SLC5A10: variants seen among roughly 807,000 people sequenced by gnomAD.
SLC5A10 encodes solute carrier family 5 member 10, also known as sodium/mannose cotransporter SLC5A10.
A neutral mutation model predicts 68.9 loss-of-function variants in SLC5A10; 55 were observed. The ratio of observed to expected loss-of-function variants is 0.80; its 90% CI spans 0.64 to 1.00. SLC5A10 has a LOEUF of 1.00. Among genes scored for constraint, SLC5A10 ranks in the 50% least tolerant of loss-of-function variants. SLC5A10 has a pLI of 0.00. For missense variants in SLC5A10, 732 were observed against 819.3 expected (o/e 0.89, Z 1.30); for synonymous variants, 344 against 344.8 (o/e 1.00, Z 0.02).
upstream of SLC5A10, among the ~76,000 whole-genome samples, chr17:18,951,104 C>T (rs1376192000): frequency 1.3e-5 from 2 of 152,224 alleles, no homozygotes; most frequent in African/African-American, 2.4e-5. Flanking sequence ...TGGTGGCAGC[C>T]GCTCACTCAT....
chr17:18,999,780 C>A (rs2043680501), intron 9 of SLC5A10, among the ~76,000 whole-genome samples: 1 of 152,238 alleles, frequency 6.6e-6, no homozygotes. Context: ...TTCCCAAGCC[C>A]TGGCCTGGCA....
rs145793646 is a variant in SLC5A10, at chr17:18,994,493, G to A, written c.982+17504G>A. On this transcript the variant is annotated intron_variant, in intron 9 of 14. Coordinates refer to ENST00000395645, the MANE Select transcript of SLC5A10 (RefSeq NM_001042450.4). Reference sequence around the variant, plus strand: ...AGAGGGTCCCCTGGAGTCTTCAGCTGATAGCCGAGCAGCACACGAACGTGA... The same window carrying A: ...AGAGGGTCCCCTGGAGTCTTCAGCTAATAGCCGAGCAGCACACGAACGTGA... Among the ~76,000 whole-genome samples the A allele has an allele frequency of 5.7e-3, 861 of 152,316 alleles. 7 individuals are homozygous for A. Among genetic ancestry groups the A allele is most frequent in the African/African-American group, 0.02 (811 of 41,556 alleles).
rs192340257 is a variant in SLC5A10, at chr17:19,007,311, T to A, written c.983-6099T>A. Among the ~76,000 whole-genome samples, 30 of 152,284 alleles carry A rather than the reference T, an allele frequency of 2.0e-4. No homozygotes were observed. In the East Asian group the frequency reaches 5.4e-3, roughly 27 times the overall value. ...TCTTTTCATGGGCTTATATGCCATC[T>A]GTTTGTCTTTTCCTTTGAAACATTT... On this transcript the variant is annotated intron_variant, in intron 9 of 14. Transcript: ENST00000395645.
chr17:18,994,358 G>A (rs375833024), intron 9 of SLC5A10, among the ~76,000 whole-genome samples: 15 of 152,272 alleles, frequency 9.9e-5, no homozygotes, highest in African/African-American at 3.6e-4. Context: ...GGAGTCTTGT[G>A]GTCTCCCTGA....
intron 8 of SLC5A10, chr17:18,976,601 C>G: frequency 2.0e-6 from 1 of 498,000 alleles, no homozygotes; most frequent in Non-Finnish European, 3.6e-6. Flanking sequence ...CCACACCTCC[C>G]CTATTGACAG....
At chr17:18,965,087 TA>T (rs1283131713) in intron 5 of SLC5A10, among the ~76,000 whole-genome samples, 11,233 of 93,504 alleles carry the variant, frequency 0.12, 1,235 homozygotes, top group African/African-American at 0.34. Flanking sequence ...GAGGTTTTTT[TA>T]AAAAAAAAAA....
In SLC5A10 at chr17:18,968,832, T is replaced by C. The variant is rs1165842525; in HGVS notation, c.454-220T>C. 1.4e-5 allele frequency: 8 copies of C among 562,436 alleles called. No individual in the cohort carries two copies. Among genetic ancestry groups the C allele is most frequent in the Non-Finnish European group, 2.2e-5 (7 of 317,344 alleles). The allele number at this position is 562,436 out of a possible 1,614,324, so 34.8% of individuals were successfully genotyped here. A position where few individuals can be genotyped will look rare whatever the true frequency, so the allele number is the denominator to read the frequency against. On this transcript the variant is annotated intron_variant, in intron 5 of 14. Coordinates refer to ENST00000395645, the MANE Select transcript of SLC5A10 (RefSeq NM_001042450.4). This position sits in a 1 kb window ranked among gnomAD's most constrained non-coding sequence, Gnocchi z 4.1. ...CCACTTTGGACTTTATTAGCAACAG[T>C]AATGTCCCCTGACATCCGCACAAGC...
At chr17:18,991,986 G>T (rs559922713) in intron 9 of SLC5A10, among the ~76,000 whole-genome samples, 68 of 152,274 alleles carry the variant, frequency 4.5e-4, no homozygotes, top group Admixed American at 1.0e-3. Context: ...AGGCAGGCAG[G>T]CTGCACTGGA....
In SLC5A10 at chr17:19,000,010, G is replaced by A. The variant is rs796842242; in HGVS notation, c.983-13400G>A. The stretch of plus-strand genomic sequence containing the variant: ...AACATCTACATCCAGCTCTGGCTGA[G>A]GAAGCCCCAACCCAGCCCAGCCTCA... On this transcript the variant is annotated intron_variant, in intron 9 of 14. Transcript: ENST00000395645. This position sits in a 1 kb window ranked among gnomAD's most constrained non-coding sequence, Gnocchi z 5.2. Among the ~76,000 whole-genome samples the A allele has an allele frequency of 5.3e-5, 8 of 152,372 alleles. No individual in the cohort carries two copies. The highest frequency in any genetic ancestry group is 1.7e-4 in the African/African-American group (7 of 41,602).
chr17:18,979,122 G>C (rs759417677), intron 9 of SLC5A10: 15 of 551,224 alleles, frequency 2.7e-5, no homozygotes, highest in Non-Finnish European at 4.2e-5. Context: ...GCTCAGGAAG[G>C]CCCTGGACAC....
chr17:18,966,501 C>T (rs1362418606), intron 5 of SLC5A10, among the ~76,000 whole-genome samples: 2 of 152,164 alleles, frequency 1.3e-5, no homozygotes, highest in Non-Finnish European at 2.9e-5. Context: ...CGGTGGCTCA[C>T]GCCTGTAATC....
Position 19,016,606 on chromosome 17 carries a change from G to T in SLC5A10, c.1241+1407G>T, listed in dbSNP as rs999970689. Reference sequence around the variant, plus strand: ...AAAATAGTCAGGCTTCTGTTGGAAGGGCCCTGTTGGGACACGCCAGAGGCG... The same window carrying T: ...AAAATAGTCAGGCTTCTGTTGGAAGTGCCCTGTTGGGACACGCCAGAGGCG... On this transcript the variant is annotated intron_variant, in intron 11 of 14. Coordinates refer to ENST00000395645, the MANE Select transcript of SLC5A10 (RefSeq NM_001042450.4). Among the ~76,000 whole-genome samples, 5 of 152,312 alleles carry T rather than the reference G, an allele frequency of 3.3e-5. No individual in the cohort carries two copies. The South Asian group carries it at 1.0e-3, about 32-fold the overall frequency.
At position 18,968,777 on chromosome 17, in the gene SLC5A10, T is replaced by C; in HGVS notation, c.454-275T>C. 2.1e-6 allele frequency: 1 copy of C among 473,130 alleles called. No individual in the cohort carries two copies. Among genetic ancestry groups the C allele is most frequent in the African/African-American group, 2.0e-5 (1 of 50,446 alleles). 29.3% of individuals were successfully genotyped at this position (473,130 alleles called of 1,614,324 possible). On this transcript the variant is annotated intron_variant, in intron 5 of 14. Transcript: ENST00000395645. This position sits in a 1 kb window ranked among gnomAD's most constrained non-coding sequence, Gnocchi z 4.1. The stretch of plus-strand genomic sequence containing the variant: ...CCCCTCGGGAAGGGGCCAGATTCAA[T>C]AACAACACTGCTTTTGGGAAAGGCA...
chr17:18,970,961 G>A (rs2042826238), intron 7 of SLC5A10, 52 bp from the exon 8 acceptor site: 2 of 1,558,910 alleles, frequency 1.3e-6, no homozygotes, highest in African/African-American at 2.7e-5. Flanking sequence ...AGCCCAGGGA[G>A]TCAGGGCCCC....
rs1253043253 is a variant in SLC5A10, at chr17:19,003,023, C to T, written c.983-10387C>T. On this transcript the variant is annotated intron_variant, in intron 9 of 14. Transcript: ENST00000395645. This position sits in a 1 kb window ranked among gnomAD's most constrained non-coding sequence, Gnocchi z 4.5. ...GTGCAATCTGCTCCCAGTTGCTCAG[C>T]ACAGCTAGGAAACAGGCAGTGTTGA... 6.6e-6 allele frequency among the ~76,000 whole-genome samples: 1 copy of T among 152,132 alleles called. No homozygotes were observed. Among genetic ancestry groups the T allele is most frequent in the Non-Finnish European group, 1.5e-5 (1 of 68,024 alleles).
At chr17:18,994,579 G>A (rs554559275) in intron 9 of SLC5A10, among the ~76,000 whole-genome samples, 1 of 152,298 alleles carries the variant, frequency 6.6e-6, no homozygotes, top group East Asian at 1.9e-4. Context: ...GAGAACCACC[G>A]GAAAGGGGTG....
At chr17:18,969,446 G>A in intron 7 of SLC5A10, 24 bp downstream of exon 7, 2 of 1,607,266 alleles carry the variant, frequency 1.2e-6, no homozygotes, top group Non-Finnish European at 1.7e-6. Flanking sequence ...CTGTGGCCAT[G>A]GCGGGGCTGT....
chr17:18,967,825 ATT>A (rs2042741824), intron 5 of SLC5A10, among the ~76,000 whole-genome samples: 1 of 151,988 alleles, frequency 6.6e-6, no homozygotes, highest in Non-Finnish European at 1.5e-5. Context: ...CTGCTCTGAT[ATT>A]CAGCACCTCT....
In SLC5A10 at chr17:19,019,794, T is replaced by C. The variant is rs747828607; in HGVS notation, c.1492T>C (p.Cys498Arg). ...GGAATTCCTGAACCCAGCCCCACCG[T>C]GCGGAGAGCCAGACACGCGGCCAGC... ...VLEFLNPAPPCGEPDTRPAVL... is the reference protein window; with the variant it reads ...VLEFLNPAPPRGEPDTRPAVL... Residue 498 changes from cysteine to arginine, a missense_variant, in exon 13 of 15, where the codon TGC (cysteine) becomes CGC (arginine). By Grantham distance (180) the Cys-to-Arg change is radical. Coordinates refer to ENST00000395645, the MANE Select transcript of SLC5A10 (RefSeq NM_001042450.4). 6 of 1,613,206 alleles carry C rather than the reference T, an allele frequency of 3.7e-6. No homozygotes were observed. Among genetic ancestry groups the C allele is most frequent in the Middle Eastern group, 1.6e-4 (1 of 6,076 alleles).
Sources: gnomAD v4.1 joint callset for allele counts (sites outside exome capture counted in the v4.1 genomes callset) on GRCh38, gnomAD v4.1.1 for gene constraint, Gnocchi (gnomAD v3.1) non-coding constraint, MANE v1.5 for transcripts, NCBI Gene and HGNC (gene_info 2026-07-23, HGNC 2026-07-21) for gene names.